The following MYO5A variants were observed in gnomAD, a reference collection of about 807,000 sequenced individuals.
MYO5A encodes the protein myosin VA, also known as unconventional myosin-Va.
A neutral mutation model predicts 249.7 loss-of-function variants in MYO5A; 98 were observed. The observed-to-expected ratio is 0.39, with a 90% confidence interval of 0.33 to 0.46. MYO5A has a LOEUF of 0.46. Among genes scored for constraint, MYO5A ranks in the 20% least tolerant of loss-of-function variants. The pLI is 0.98. For synonymous variants in MYO5A, 778 were observed against 810.6 expected (o/e 0.96, Z 0.68); for missense variants, 1,696 against 2,308.8 (o/e 0.73, Z 5.44).
At chr15:52,473,384 A>G (rs1041182029) in intron 1 of MYO5A, among the ~76,000 whole-genome samples, 3 of 152,108 alleles carry the variant, frequency 2.0e-5, no homozygotes, top group Admixed American at 2.0e-4. Flanking sequence ...GCTGTGCAGA[A>G]GCTCTTTAGT....
intron 1 of MYO5A, chr15:52,438,161 T>C (rs2075706247): frequency 3.9e-6 from 2 of 515,674 alleles, no homozygotes; most frequent in Non-Finnish European, 2.5e-6. Flanking sequence ...CAACCTGATA[T>C]GCCACTTCCT....
At chr15:52,422,739 T>C (rs183704708) in intron 4 of MYO5A, among the ~76,000 whole-genome samples, 11 of 152,262 alleles carry the variant, frequency 7.2e-5, no homozygotes, top group Admixed American at 2.6e-4. Context: ...TTTTTGTAGA[T>C]AGGGTCTTGC....
At chr15:52,319,712 C>G (rs552139853) in intron 38 of MYO5A, among the ~76,000 whole-genome samples, 41 of 152,136 alleles carry the variant, frequency 2.7e-4, no homozygotes, top group Admixed American at 1.7e-3. Flanking sequence ...GGCTGGGTGA[C>G]AGAGAGAGAC....
intron 1 of MYO5A, among the ~76,000 whole-genome samples, chr15:52,450,843 G>GTTTTTTTTT (rs56842960): frequency 2.6e-4 from 22 of 84,568 alleles, no homozygotes; most frequent in African/African-American, 6.5e-4. Flanking sequence ...CACTACTGTG[G>GTTTTTTTTT]TTTTTTTTTT....
chr15:52,429,636 C>T (rs972844247), intron 2 of MYO5A, among the ~76,000 whole-genome samples: 5 of 152,044 alleles, frequency 3.3e-5, no homozygotes, highest in Non-Finnish European at 7.4e-5. Context: ...TTGCAGTGAG[C>T]CAAGATCACG....
Position 52,376,499 on chromosome 15 carries a change from G to C in MYO5A, c.2268C>G (p.Ala756=), listed in dbSNP as rs2041422385. 6.2e-7 allele frequency: 1 copy of C among 1,614,020 alleles called. No homozygotes were observed. The highest frequency in any genetic ancestry group is 8.5e-7 in the Non-Finnish European group (1 of 1,180,030). ...TGTCAGCTCTCAATTTTTCTAGATA[G>C]GCCACTTGACCGGCACGGAAAAAGA... is the stretch of plus-strand genomic sequence containing the variant. ...TKIFFRAGQV[A]YLEKLRADKL... The change falls in exon 19 of 42, where the codon GCC becomes GCG. Residue 756 remains alanine (A), a synonymous_variant. Transcript: ENST00000399233.
intron 6 of MYO5A, among the ~76,000 whole-genome samples, chr15:52,410,094 C>T (rs1476530022): frequency 6.6e-6 from 1 of 152,170 alleles, no homozygotes; most frequent in Non-Finnish European, 1.5e-5. Flanking sequence ...TTCCCGCAAG[C>T]ACCTGTAGGA....
intron 10 of MYO5A, among the ~76,000 whole-genome samples, chr15:52,396,659 T>C (rs1046513938): frequency 1.3e-5 from 2 of 152,122 alleles, no homozygotes; most frequent in Non-Finnish European, 2.9e-5. Flanking sequence ...TTCAACACTA[T>C]GAGTTTTTGA....
intron 1 of MYO5A, among the ~76,000 whole-genome samples, chr15:52,502,986 A>G (rs1449479073): frequency 1.3e-5 from 2 of 152,210 alleles, no homozygotes; most frequent in African/African-American, 4.8e-5. Flanking sequence ...AGGTCTCATG[A>G]AGACAAGAGA....
chr15:52,417,552 G>T (rs988036617), intron 4 of MYO5A, among the ~76,000 whole-genome samples: 1 of 152,182 alleles, frequency 6.6e-6, no homozygotes, highest in African/African-American at 2.4e-5. Flanking sequence ...GTTGTGGTTT[G>T]AATGTTCTCT....
chr15:52,503,520 G>A (rs1275227848), intron 1 of MYO5A, among the ~76,000 whole-genome samples: 3 of 152,214 alleles, frequency 2.0e-5, no homozygotes, highest in African/African-American at 7.2e-5. Context: ...TGTAGTTCCA[G>A]CTACTCAGGA....
At chr15:52,348,298 A>G (rs1297205712) in intron 29 of MYO5A, among the ~76,000 whole-genome samples, 1 of 5,940 alleles carries the variant, frequency 1.7e-4, no homozygotes, top group Non-Finnish European at 0.01. Context: ...CACTCAGTAC[A>G]TAGAGAAACA....
intron 1 of MYO5A, among the ~76,000 whole-genome samples, chr15:52,498,233 T>C (rs1193194235): frequency 1.3e-5 from 2 of 152,186 alleles, no homozygotes; most frequent in East Asian, 1.9e-4. Flanking sequence ...CAATTCCCTA[T>C]TGCTGGACAT....
intron 1 of MYO5A, among the ~76,000 whole-genome samples, chr15:52,463,784 T>G (rs568600708): frequency 4.4e-4 from 67 of 152,332 alleles, no homozygotes; most frequent in African/African-American, 1.5e-3. Context: ...CCTCTTCAGG[T>G]GCCTCATAGT....
intron 38 of MYO5A, among the ~76,000 whole-genome samples, chr15:52,320,934 A>T (rs2038270036): frequency 6.6e-6 from 1 of 151,044 alleles, no homozygotes; most frequent in Admixed American, 6.6e-5. Flanking sequence ...AATGGCGTGA[A>T]CCCGGGAGGC....
chr15:52,485,606 T>C (rs1205051947), intron 1 of MYO5A, among the ~76,000 whole-genome samples: 1 of 152,150 alleles, frequency 6.6e-6, no homozygotes, highest in Non-Finnish European at 1.5e-5. Context: ...AAAAAAAGAT[T>C]AAGTAACCTC....
chr15:52,458,311 C>T (rs1037662246), intron 1 of MYO5A, among the ~76,000 whole-genome samples: 1 of 152,206 alleles, frequency 6.6e-6, no homozygotes, highest in Non-Finnish European at 1.5e-5. Context: ...CACAGTGGCT[C>T]ATGCCTGTAA....
At chr15:52,325,224 C>A (rs2038538650) in intron 36 of MYO5A, among the ~76,000 whole-genome samples, 1 of 152,122 alleles carries the variant, frequency 6.6e-6, no homozygotes, top group African/African-American at 2.4e-5. Flanking sequence ...TCTAGACTGT[C>A]TTCACTGACG....
intron 39 of MYO5A, among the ~76,000 whole-genome samples, chr15:52,318,411 G>C (rs2038127336): frequency 7.2e-6 from 1 of 139,670 alleles, no homozygotes; most frequent in South Asian, 2.2e-4. Flanking sequence ...AGCCGAGATG[G>C]CGCCATTGCA....
Sources: allele counts gnomAD v4.1 joint callset (sites outside exome capture counted in the v4.1 genomes callset), GRCh38; gene constraint gnomAD v4.1.1; transcripts MANE v1.5; gene names NCBI Gene and HGNC (gene_info 2026-07-23, HGNC 2026-07-21).